Variants in SORCS3 observed in about 807,000 individuals in gnomAD.
The protein encoded by SORCS3 is sortilin related VPS10 domain containing receptor 3.
In SORCS3, 57 loss-of-function variants were observed where a neutral mutation model predicts 146.3. The observed-to-expected ratio is 0.39, with a 90% CI of 0.31 to 0.49. The LOEUF is 0.49. Ranked by LOEUF, SORCS3 falls within the 20% of genes least tolerant of loss-of-function variation. The pLI, the probability that SORCS3 is intolerant of heterozygous loss-of-function variation, is 0.92. For missense variants in SORCS3, 1,341 were observed against 1,575.5 expected (o/e 0.85, Z 2.52); for synonymous variants, 653 against 618.5 (o/e 1.06, Z -0.83).
chr10:104,729,772 C>T (rs1438947889), intron 1 of SORCS3, among the ~76,000 whole-genome samples: 1 of 152,166 alleles, frequency 6.6e-6, no homozygotes, highest in African/African-American at 2.4e-5. Flanking sequence ...ACTGCTTCTA[C>T]CACGCCTGTC....
chr10:104,981,636 A>G (rs1295494892), intron 4 of SORCS3, among the ~76,000 whole-genome samples: 2 of 152,168 alleles, frequency 1.3e-5, no homozygotes, highest in Non-Finnish European at 1.5e-5. Context: ...CAATCCTAGA[A>G]ATATAGCTGC....
chr10:105,217,495 A>G (rs546290864), intron 19 of SORCS3, among the ~76,000 whole-genome samples: 1 of 152,368 alleles, frequency 6.6e-6, no homozygotes, highest in South Asian at 2.1e-4. Flanking sequence ...TCAATCTATT[A>G]TGAATGAAGA....
At chr10:104,770,846 A>G (rs2017240400) in intron 1 of SORCS3, among the ~76,000 whole-genome samples, 1 of 152,122 alleles carries the variant, frequency 6.6e-6, no homozygotes, top group South Asian at 2.1e-4. Context: ...AAAACAAAAC[A>G]AAGAAGAAAT....
At chr10:105,188,904 C>G (rs1317095246) in intron 14 of SORCS3, among the ~76,000 whole-genome samples, 1 of 152,172 alleles carries the variant, frequency 6.6e-6, no homozygotes, top group African/African-American at 2.4e-5. Flanking sequence ...ATGGCTAATT[C>G]TGAGTCCTGG....
chr10:104,920,472 A>G (rs1365283182), intron 3 of SORCS3, among the ~76,000 whole-genome samples: 3 of 152,242 alleles, frequency 2.0e-5, no homozygotes, highest in Non-Finnish European at 4.4e-5. Flanking sequence ...CTAACTGAGC[A>G]GCTACTATCC....
chr10:105,012,844 G>A (rs1377921893), intron 4 of SORCS3, among the ~76,000 whole-genome samples: 3 of 152,062 alleles, frequency 2.0e-5, no homozygotes. Flanking sequence ...TTAAAATCTT[G>A]GGCTTTAAAG....
chr10:104,867,370 C>T (rs959632499), intron 2 of SORCS3, among the ~76,000 whole-genome samples: 8 of 149,180 alleles, frequency 5.4e-5, no homozygotes, highest in Non-Finnish European at 5.9e-5. Flanking sequence ...AGTGCAGTGG[C>T]GAGATCTCGG....
At chr10:105,002,775 C>T (rs1008743193) in intron 4 of SORCS3, among the ~76,000 whole-genome samples, 1 of 152,206 alleles carries the variant, frequency 6.6e-6, no homozygotes, top group African/African-American at 2.4e-5. Flanking sequence ...GAACCTGGCT[C>T]TGTTCCTTAG....
At chr10:104,819,366 A>G (rs1349281215) in intron 1 of SORCS3, among the ~76,000 whole-genome samples, 1 of 152,094 alleles carries the variant, frequency 6.6e-6, no homozygotes, top group Non-Finnish European at 1.5e-5. Context: ...ATTGATCTGT[A>G]TCTGTTTGTC....
At chr10:105,093,590 T>C (rs897947095) in intron 6 of SORCS3, among the ~76,000 whole-genome samples, 3 of 152,124 alleles carry the variant, frequency 2.0e-5, no homozygotes, top group African/African-American at 7.2e-5. Context: ...GAATAGATCA[T>C]TTAGCAAAGA....
chr10:105,190,285 T>C (rs2056507921), intron 14 of SORCS3, among the ~76,000 whole-genome samples: 1 of 152,238 alleles, frequency 6.6e-6, no homozygotes, highest in Admixed American at 6.5e-5. Flanking sequence ...TTATTTAACT[T>C]TTCTGAACCT....
chr10:104,917,626 T>C (rs2864035), intron 3 of SORCS3, among the ~76,000 whole-genome samples: 75,010 of 152,120 alleles, frequency 0.49, 22,231 homozygotes, highest in African/African-American at 0.84. Flanking sequence ...TTTTGACCAA[T>C]GTCTCCCAAA....
chr10:104,843,352 C>T (rs1390621510), intron 2 of SORCS3, among the ~76,000 whole-genome samples: 1 of 152,180 alleles, frequency 6.6e-6, no homozygotes, highest in East Asian at 1.9e-4. Flanking sequence ...TTCTGATCCC[C>T]AGGCAATTTT....
intron 1 of SORCS3, among the ~76,000 whole-genome samples, chr10:104,823,727 C>A (rs2017902135): frequency 6.6e-6 from 1 of 152,140 alleles, no homozygotes; most frequent in South Asian, 2.1e-4. Context: ...TAGTGGCCTC[C>A]CAAAGATACC....
intron 5 of SORCS3, among the ~76,000 whole-genome samples, chr10:105,056,108 A>C (rs1468439042): frequency 6.6e-6 from 1 of 152,228 alleles, no homozygotes; most frequent in Non-Finnish European, 1.5e-5. Context: ...ATCTTGAAGA[A>C]TGGTTTGAAT....
intron 1 of SORCS3, among the ~76,000 whole-genome samples, chr10:104,661,694 TAGATAGAC>T (rs975628108): frequency 2.2e-4 from 33 of 151,998 alleles, no homozygotes; most frequent in African/African-American, 7.7e-4. Flanking sequence ...GATAGATAGA[TAGATAGAC>T]AGATAGATAG....
chr10:105,028,083 T>C (rs956166786), intron 4 of SORCS3, among the ~76,000 whole-genome samples: 2 of 152,226 alleles, frequency 1.3e-5, no homozygotes, highest in African/African-American at 4.8e-5. Context: ...GCTTTATAGA[T>C]CATAACTACC....
intron 7 of SORCS3, among the ~76,000 whole-genome samples, chr10:105,115,485 A>G (rs899298700): frequency 1.3e-5 from 2 of 152,210 alleles, no homozygotes; most frequent in Non-Finnish European, 2.9e-5. Context: ...TAAATTATTC[A>G]TAGATTCAAT....
chr10:104,930,365 T>G (rs1267724357), intron 3 of SORCS3, among the ~76,000 whole-genome samples: 1 of 152,194 alleles, frequency 6.6e-6, no homozygotes, highest in African/African-American at 2.4e-5. Context: ...TAATACTGTG[T>G]GTTATTGGTC....
Sources: gnomAD v4.1 joint callset for allele counts (sites outside exome capture counted in the v4.1 genomes callset) on GRCh38, gnomAD v4.1.1 for gene constraint, MANE v1.5 for transcripts, NCBI Gene and HGNC (gene_info 2026-07-23, HGNC 2026-07-21) for gene names.